The following SIPA1L1 variants were observed in gnomAD, a reference collection of about 807,000 sequenced individuals.
The protein encoded by SIPA1L1 is signal induced proliferation associated 1 like 1.
Under a neutral mutation model 162.7 loss-of-function variants are expected in SIPA1L1, and 26 were observed. That is an observed-to-expected ratio of 0.16 (90% CI 0.12 to 0.22). The LOEUF (loss-of-function observed/expected upper bound fraction) is 0.22, where lower values mean the gene tolerates loss of function less well. Among genes scored for constraint, SIPA1L1 ranks in the 10% least tolerant of loss-of-function variants. The probability of loss-of-function intolerance (pLI) is 1.00; values close to 1 mark genes in which losing one functional copy is unlikely to be tolerated. For missense variants in SIPA1L1, 1,874 were observed against 2,241.0 expected (o/e 0.84, Z 3.31); for synonymous variants, 829 against 837.4 (o/e 0.99, Z 0.17).
intron 2 of SIPA1L1, among the ~76,000 whole-genome samples, chr14:71,331,860 A>G (rs1345885499): frequency 6.6e-6 from 1 of 152,220 alleles, no homozygotes; most frequent in Non-Finnish European, 1.5e-5. Flanking sequence ...AACAAAAACA[A>G]AAACAAAAAA....
intron 5 of SIPA1L1, among the ~76,000 whole-genome samples, chr14:71,590,892 C>T (rs1470373263): frequency 6.6e-6 from 1 of 152,132 alleles, no homozygotes; most frequent in Non-Finnish European, 1.5e-5. Flanking sequence ...GGCTTCCACA[C>T]TATTAATGCC....
intron 4 of SIPA1L1, among the ~76,000 whole-genome samples, chr14:71,583,283 G>T (rs1429273607): frequency 6.6e-6 from 1 of 152,270 alleles, no homozygotes; most frequent in Non-Finnish European, 1.5e-5. Flanking sequence ...AAGGCACTGT[G>T]CTGGGCCTGG....
At chr14:71,555,276 T>C (rs1224841626) in intron 4 of SIPA1L1, among the ~76,000 whole-genome samples, 5 of 152,252 alleles carry the variant, frequency 3.3e-5, no homozygotes, top group African/African-American at 1.2e-4. Context: ...CTAGATCTTC[T>C]GGATAACTTG....
At chr14:71,336,041 A>G (rs2035057840) in intron 2 of SIPA1L1, among the ~76,000 whole-genome samples, 1 of 152,198 alleles carries the variant, frequency 6.6e-6, no homozygotes. Context: ...TAGAAGGAAC[A>G]TGACTGTCTT....
intron 3 of SIPA1L1, among the ~76,000 whole-genome samples, chr14:71,516,902 G>T (rs1287748765): frequency 2.6e-5 from 4 of 152,164 alleles, no homozygotes. Context: ...GAACCTGGGA[G>T]GTGGAGATTG....
At chr14:71,526,840 A>C (rs2052928877) in intron 3 of SIPA1L1, among the ~76,000 whole-genome samples, 1 of 152,202 alleles carries the variant, frequency 6.6e-6, no homozygotes, top group African/African-American at 2.4e-5. Context: ...ATTATTGTAT[A>C]GGATTTATGT....
intron 5 of SIPA1L1, among the ~76,000 whole-genome samples, chr14:71,589,637 T>C (rs980161279): frequency 3.3e-5 from 5 of 152,224 alleles, no homozygotes; most frequent in Non-Finnish European, 5.9e-5. Flanking sequence ...ATTGAAATTA[T>C]AGTCTTTGTT....
At chr14:71,367,321 TC>T (rs1491263376) in intron 2 of SIPA1L1, among the ~76,000 whole-genome samples, 1 of 146,562 alleles carries the variant, frequency 6.8e-6, no homozygotes, top group Admixed American at 6.8e-5. Flanking sequence ...TTTTTTTTTT[TC>T]CCGATATGGA....
At chr14:71,629,061 C>G (rs532159912) in intron 7 of SIPA1L1, among the ~76,000 whole-genome samples, 74 of 152,248 alleles carry the variant, frequency 4.9e-4, no homozygotes, top group African/African-American at 1.7e-3. Context: ...CCTCAGCCTC[C>G]CAAGTAGCTG....
intron 2 of SIPA1L1, among the ~76,000 whole-genome samples, chr14:71,334,970 T>C (rs2034932815): frequency 1.3e-5 from 2 of 152,240 alleles, no homozygotes; most frequent in South Asian, 2.1e-4. Flanking sequence ...GTAGTACTTT[T>C]ATAATCTATA....
At chr14:71,721,531 ACT>A (rs2083732161) in intron 17 of SIPA1L1, among the ~76,000 whole-genome samples, 1 of 151,884 alleles carries the variant, frequency 6.6e-6, no homozygotes, top group Admixed American at 6.6e-5. Context: ...AGGGCAGCAG[ACT>A]CTCTTCTGGC....
At chr14:71,417,487 AAAAAAAAAAAAAAAAAG>A (rs1479180799) in intron 2 of SIPA1L1, among the ~76,000 whole-genome samples, 2 of 142,946 alleles carry the variant, frequency 1.4e-5, no homozygotes, top group Admixed American at 1.4e-4. Flanking sequence ...AAAAAAAAAA[AAAAAAAAAAAAAAAAAG>A]AAAATCCTAA....
chr14:71,466,315 G>C (rs2046990985), intron 2 of SIPA1L1, among the ~76,000 whole-genome samples: 1 of 152,152 alleles, frequency 6.6e-6, no homozygotes, highest in Non-Finnish European at 1.5e-5. Flanking sequence ...ATTTTTGGCA[G>C]AGCAAACGAA....
chr14:71,572,772 A>G lies in SIPA1L1; in HGVS notation c.-302-14799A>G, dbSNP rs532434934. ...TAGGAAAAATTAAGCGTAGGTATAT[A>G]GAAATAAAGCAAATGAAAATAAATG... On this transcript the variant is annotated intron_variant, in intron 4 of 23. Transcript: ENST00000381232. Among the ~76,000 whole-genome samples, 12 of 152,382 alleles carry G rather than the reference A, an allele frequency of 7.9e-5. No individual in the cohort carries two copies. In the South Asian group the frequency reaches 2.5e-3, roughly 32 times the overall value.
chr14:71,542,475 G>GCTTCTGCTT (rs1047200137), intron 4 of SIPA1L1, among the ~76,000 whole-genome samples: 1 of 146,876 alleles, frequency 6.8e-6, no homozygotes, highest in African/African-American at 2.6e-5. Flanking sequence ...TGCTGCTTCT[G>GCTTCTGCTT]CTTCTGCTTC....
chr14:71,631,790 A>G lies in SIPA1L1; in HGVS notation c.1818+7554A>G, dbSNP rs576781707. 4.6e-5 allele frequency among the ~76,000 whole-genome samples: 7 copies of G among 152,282 alleles called. No homozygotes were observed. In the East Asian group the frequency reaches 5.8e-4, roughly 13 times the overall value. ...GTTGGATTTTTGTTAGTAATTCCCA[A>G]TGAGGATATACATTTTCTAACTGGC... On this transcript the variant is annotated intron_variant, in intron 7 of 23. Transcript: ENST00000381232.
chr14:71,703,415 G>A (rs2082228104), intron 15 of SIPA1L1, among the ~76,000 whole-genome samples: 1 of 152,218 alleles, frequency 6.6e-6, no homozygotes. Context: ...CATGGACATA[G>A]AAAGGAGTGG....
At chr14:71,652,298 C>T (rs1294178269) in intron 8 of SIPA1L1, among the ~76,000 whole-genome samples, 2 of 152,150 alleles carry the variant, frequency 1.3e-5, no homozygotes, top group African/African-American at 4.8e-5. Flanking sequence ...CCTCAGCTGC[C>T]TCCTACTGGG....
intron 4 of SIPA1L1, among the ~76,000 whole-genome samples, chr14:71,548,688 G>A (rs2055478979): frequency 6.6e-6 from 1 of 152,022 alleles, no homozygotes; most frequent in Admixed American, 6.6e-5. Context: ...CTTGAGGCCA[G>A]GAGTTCCAGA....
Sources: allele counts gnomAD v4.1 joint callset (sites outside exome capture counted in the v4.1 genomes callset), GRCh38; gene constraint gnomAD v4.1.1; transcripts MANE v1.5; gene names NCBI Gene and HGNC (gene_info 2026-07-23, HGNC 2026-07-21).